LRRC3: variants seen among roughly 807,000 people sequenced by gnomAD.
The protein encoded by LRRC3 is leucine rich repeat containing 3, also known as leucine-rich repeat-containing protein 3.
For synonymous variants in LRRC3, 172 were observed against 164.1 expected (o/e 1.05, Z -0.37); for missense variants, 351 against 361.6 (o/e 0.97, Z 0.24).
In LRRC3 at chr21:44,460,563, C is replaced by A. The variant is rs1450389315; in HGVS notation, c.*3145C>A. 7.1e-6 allele frequency: 1 copy of A among 140,922 alleles called. No homozygotes were observed. Among genetic ancestry groups the A allele is most frequent in the Non-Finnish European group, 1.6e-5 (1 of 63,500 alleles). The allele number at this position is 140,922 out of a possible 1,614,324, so 8.7% of individuals were successfully genotyped here. On this transcript the variant is annotated 3_prime_UTR_variant, in exon 2 of 2. Transcript: ENST00000291592. ...GGACATGGTGGAGGTCTCGGCCTTG[C>A]GAGACAAGGCAGGGGGAGGGGATAG... is the stretch of plus-strand genomic sequence containing the variant.
At position 44,461,021 on chromosome 21, in the gene LRRC3, T is replaced by C. The variant is rs2051742119; in HGVS notation, c.*3603T>C. The C allele has an allele frequency of 6.6e-6, 1 of 152,446 alleles. No individual in the cohort carries two copies. The highest frequency in any genetic ancestry group is 2.4e-5 in the African/African-American group (1 of 41,478). 9.4% of individuals were successfully genotyped at this position (152,446 alleles called of 1,614,324 possible). A position where few individuals can be genotyped will look rare whatever the true frequency, so the allele number is the denominator to read the frequency against. On this transcript the variant is annotated 3_prime_UTR_variant, in exon 2 of 2. Coordinates refer to ENST00000291592, the MANE Select transcript of LRRC3 (RefSeq NM_030891.6). ...CCAGGCCGGGCCCTCTCCCTGCTGG[T>C]TTCCTGTTGGGCTTTGGAGCCCCAG...
Position 44,456,773 on chromosome 21 carries a change from A to G in LRRC3, c.129A>G (p.Ala43=), listed in dbSNP as rs751097176. Residue 43 remains alanine, a synonymous_variant, in exon 2 of 2, where the codon GCA becomes GCG. Coordinates refer to ENST00000291592, the MANE Select transcript of LRRC3 (RefSeq NM_030891.6). ...CPQPCRCPDH[A]GAVAVFCSLR... is the part of the protein sequence containing the mutation. ...AGCCCTGCCGGTGCCCTGACCACGCAGGGGCTGTGGCTGTCTTCTGCAGCT... is the reference window on the plus strand; with the variant it reads ...AGCCCTGCCGGTGCCCTGACCACGCGGGGGCTGTGGCTGTCTTCTGCAGCT... 18 of 1,610,902 alleles carry G rather than the reference A, an allele frequency of 1.1e-5. No homozygotes were observed. The highest frequency in any genetic ancestry group is 3.3e-4 in the Middle Eastern group (2 of 6,084).
rs1175986679 is a variant in LRRC3, at chr21:44,461,383, G to C, written c.*3965G>C. The C allele has an allele frequency of 3.3e-5, 5 of 152,410 alleles. No individual in the cohort carries two copies. In the East Asian group the frequency reaches 9.6e-4, roughly 29 times the overall value. The allele number at this position is 152,410 out of a possible 1,614,324, so 9.4% of individuals were successfully genotyped here. On this transcript the variant is annotated 3_prime_UTR_variant, in exon 2 of 2. Transcript: ENST00000291592. ...GGGGAAGTGGAATCTGGCCCTGAGA[G>C]ACCCCCGGCCTCCTCTGCAGGGGCT... is the stretch of plus-strand genomic sequence containing the variant.
At chr21:44,455,865 G>T (rs1050258419) in intron 1 of LRRC3, among the ~76,000 whole-genome samples, 3 of 152,062 alleles carry the variant, frequency 2.0e-5, no homozygotes, top group Admixed American at 2.0e-4. Flanking sequence ...CGCGCGCACA[G>T]GGCTTGGCTT....
chr21:44,456,902 C>T lies in LRRC3; in HGVS notation c.258C>T (p.His86=), dbSNP rs1037604435. 6.2e-7 allele frequency: 1 copy of T among 1,610,942 alleles called. No homozygotes were observed. The highest frequency in any genetic ancestry group is 1.7e-5 in the Admixed American group (1 of 59,956). Residue 86 remains histidine, a synonymous_variant, in exon 2 of 2, where the codon CAC becomes CAT. Coordinates refer to ENST00000291592, the MANE Select transcript of LRRC3 (RefSeq NM_030891.6). ...ACCTCCCGGACGGGGCCTTCCAGCA[C>T]CTGCACCGGCTCAGGGAGCTGGATC... ...ISHLPDGAFQ[H]LHRLRELDLS...
In LRRC3 at chr21:44,460,685, TCAC is replaced by T. The variant is rs1455890114; in HGVS notation, c.*3271_*3273del. On this transcript the variant is annotated 3_prime_UTR_variant, in exon 2 of 2. Transcript: ENST00000291592. ...GGCTTAGCTTCCTGATGCCGCCCAT[TCAC>T]CACTTTCACCCCGGGAACCTACCTG... 1 of 151,986 alleles carries T rather than the reference TCAC, an allele frequency of 6.6e-6. No homozygotes were observed. The highest frequency in any genetic ancestry group is 1.5e-5 in the Non-Finnish European group (1 of 68,000). The allele number at this position is 151,986 out of a possible 1,614,324, so 9.4% of individuals were successfully genotyped here.
rs772565874 is a variant in LRRC3, at chr21:44,456,743, C to G, written c.99C>G (p.Cys33Trp). 6.2e-7 allele frequency: 1 copy of G among 1,610,000 alleles called. No individual in the cohort carries two copies. The highest frequency in any genetic ancestry group is 8.5e-7 in the Non-Finnish European group (1 of 1,179,880). The change falls in exon 2 of 2, where the codon TGC (cysteine) becomes TGG (tryptophan). Residue 33 changes from cysteine to tryptophan, a missense_variant. By Grantham distance (215) the Cys-to-Trp change is radical. Coordinates refer to ENST00000291592, the MANE Select transcript of LRRC3 (RefSeq NM_030891.6). Reference sequence around the variant, plus strand: ...TCTGCCTGCACCTGGGCGCCGCCTGCCCACAGCCCTGCCGGTGCCCTGACC... The same window carrying G: ...TCTGCCTGCACCTGGGCGCCGCCTGGCCACAGCCCTGCCGGTGCCCTGACC... ...LLFCLHLGAA[C>W]PQPCRCPDHA...
rs1234780065 is a variant in LRRC3, at chr21:44,461,928, G to A, written c.*4510G>A. The A allele has an allele frequency of 6.6e-6, 1 of 152,482 alleles. No individual in the cohort carries two copies. The highest frequency in any genetic ancestry group is 1.5e-5 in the Non-Finnish European group (1 of 68,252). The allele number at this position is 152,482 out of a possible 1,614,324, so 9.4% of individuals were successfully genotyped here. ...CAGGTCCCCTCATGGAGGATGTGGG[G>A]GATTGGCTTAGGCCTGGTCTGGCTG... On this transcript the variant is annotated 3_prime_UTR_variant, in exon 2 of 2. Coordinates refer to ENST00000291592, the MANE Select transcript of LRRC3 (RefSeq NM_030891.6).
chr21:44,456,242 C>T (rs1173200736), intron 1 of LRRC3, among the ~76,000 whole-genome samples: 1 of 152,184 alleles, frequency 6.6e-6, no homozygotes, highest in East Asian at 1.9e-4. Flanking sequence ...GCCGCAGTGA[C>T]CACCCACTGG....
rs763370334 is a variant in LRRC3 at position 44,457,310 on chromosome 21, C to A, written c.666C>A (p.Val222=). ...GGTTCGCCATGGTGATCGCCTACGT[C>A]GTGTACTATGTGCGCCACAACCAGG... The part of the protein sequence containing the change: ...FGWFAMVIAY[V]VYYVRHNQED... The change falls in exon 2 of 2, where the codon GTC becomes GTA. Residue 222 remains valine, a synonymous_variant. Transcript: ENST00000291592. 14 of 1,613,664 alleles carry A rather than the reference C, an allele frequency of 8.7e-6. No homozygotes were observed. In the South Asian group the frequency reaches 1.5e-4, roughly 18 times the overall value.
In LRRC3 at chr21:44,457,064, A is replaced by G. The variant is rs768319952; in HGVS notation, c.420A>G (p.Ile140Met). Reference sequence around the variant, plus strand: ...CCCTGGGCAAACTCAGCGCCAAGATACGCCTGTCCCACAACCCCCTGCACT... The same window carrying G: ...CCCTGGGCAAACTCAGCGCCAAGATGCGCCTGTCCCACAACCCCCTGCACT... The part of the protein sequence containing the change: ...KDALGKLSAK[I>M]RLSHNPLHCE... The change falls in exon 2 of 2, where the codon ATA becomes ATG. Residue 140 changes from isoleucine to methionine, a missense_variant. By Grantham distance (10) the Ile-to-Met change is conservative (BLOSUM62 1). Transcript: ENST00000291592. The G allele has an allele frequency of 6.3e-5, 101 of 1,608,018 alleles. No homozygotes were observed. Among genetic ancestry groups the G allele is most frequent in the Non-Finnish European group, 8.4e-5 (99 of 1,179,634 alleles).
At position 44,456,834 on chromosome 21, in the gene LRRC3, G is replaced by T; in HGVS notation, c.190G>T (p.Ala64Ser). The change falls in exon 2 of 2, where the codon GCC (alanine) becomes TCC (serine). Residue 64 changes from alanine to serine, a missense_variant. Coordinates refer to ENST00000291592, the MANE Select transcript of LRRC3 (RefSeq NM_030891.6). ...TCAGGAGGTCCCCGAGGACATCCCGGCCAACACCGTGCTCCTGAAGCTCGA... is the reference window on the plus strand; with the variant it reads ...TCAGGAGGTCCCCGAGGACATCCCGTCCAACACCGTGCTCCTGAAGCTCGA... ...GLQEVPEDIPANTVLLKLDAN... is the reference protein window; with the variant it reads ...GLQEVPEDIPSNTVLLKLDAN... 6.2e-7 allele frequency: 1 copy of T among 1,611,568 alleles called. No homozygotes were observed. Among genetic ancestry groups the T allele is most frequent in the South Asian group, 1.1e-5 (1 of 91,008 alleles).
rs1034901533 is a variant in LRRC3, at chr21:44,461,047, A to T, written c.*3629A>T. The T allele has an allele frequency of 2.0e-5, 3 of 152,502 alleles. No homozygotes were observed. The highest frequency in any genetic ancestry group is 7.2e-5 in the African/African-American group (3 of 41,454). 9.4% of individuals were successfully genotyped at this position (152,502 alleles called of 1,614,324 possible). On this transcript the variant is annotated 3_prime_UTR_variant, in exon 2 of 2. Coordinates refer to ENST00000291592, the MANE Select transcript of LRRC3 (RefSeq NM_030891.6). The stretch of plus-strand genomic sequence containing the variant: ...TTCCTGTTGGGCTTTGGAGCCCCAG[A>T]TGCCTGCCCAGAGGCTTCCTTGTGC...
Position 44,457,154 on chromosome 21 carries a change from C to A in LRRC3, c.510C>A (p.Ile170=), listed in dbSNP as rs755557165. Residue 170 remains isoleucine, a synonymous_variant, in exon 2 of 2, where the codon ATC becomes ATA. Coordinates refer to ENST00000291592, the MANE Select transcript of LRRC3 (RefSeq NM_030891.6). ...TGGACCCCGACTCTGTGGACGAGAT[C>A]GCCTGCCACACCTCAGTGCAGGAGG... ...LKLDPDSVDE[I]ACHTSVQEEF... is the part of the protein sequence containing the mutation. The A allele has an allele frequency of 6.2e-7, 1 of 1,613,292 alleles. No individual in the cohort carries two copies. Among genetic ancestry groups the A allele is most frequent in the Non-Finnish European group, 8.5e-7 (1 of 1,180,032 alleles).
Position 44,457,172 on chromosome 21 carries a change from G to A in LRRC3, c.528G>A (p.Val176=). The change falls in exon 2 of 2, where the codon GTG becomes GTA. Residue 176 remains valine (V), a synonymous_variant. Transcript: ENST00000291592. ...SVDEIACHTS[V]QEEFVGKPLV... ...ACGAGATCGCCTGCCACACCTCAGTGCAGGAGGAGTTTGTGGGGAAGCCTC... is the reference window on the plus strand; with the variant it reads ...ACGAGATCGCCTGCCACACCTCAGTACAGGAGGAGTTTGTGGGGAAGCCTC... 6.2e-7 allele frequency: 1 copy of A among 1,613,788 alleles called. No individual in the cohort carries two copies. The highest frequency in any genetic ancestry group is 8.5e-7 in the Non-Finnish European group (1 of 1,180,042).
rs977879348 is a variant in LRRC3 at position 44,460,065 on chromosome 21, A to G, written c.*2647A>G. Reference sequence around the variant, plus strand: ...GGGACCCCAAAGCTCCTTCATGCTCACTGGAGCTCCCACCGTGGGTGCTTG... The same window carrying G: ...GGGACCCCAAAGCTCCTTCATGCTCGCTGGAGCTCCCACCGTGGGTGCTTG... On this transcript the variant is annotated 3_prime_UTR_variant, in exon 2 of 2. Transcript: ENST00000291592. The G allele has an allele frequency of 6.6e-6, 1 of 152,182 alleles. No individual in the cohort carries two copies. The highest frequency in any genetic ancestry group is 6.5e-5 in the Admixed American group (1 of 15,272). 9.4% of individuals were successfully genotyped at this position (152,182 alleles called of 1,614,324 possible).
At position 44,455,528 on chromosome 21, in the gene LRRC3, G is replaced by C. The variant is rs1418774748; in HGVS notation, c.-275G>C. The stretch of plus-strand genomic sequence containing the variant: ...GCAGGCCGGAGTCGCGGCCTCCCCA[G>C]CTAGTGGTCGCGGGCGCGGTCGCAG... On this transcript the variant is annotated 5_prime_UTR_variant, in exon 1 of 2. Coordinates refer to ENST00000291592, the MANE Select transcript of LRRC3 (RefSeq NM_030891.6). The C allele has an allele frequency of 1.3e-5, 2 of 151,670 alleles. No individual in the cohort carries two copies. Among genetic ancestry groups the C allele is most frequent in the African/African-American group, 4.8e-5 (2 of 41,448 alleles). 9.4% of individuals were successfully genotyped at this position (151,670 alleles called of 1,614,324 possible).
At position 44,460,523 on chromosome 21, in the gene LRRC3, C is replaced by G. The variant is rs921660404; in HGVS notation, c.*3105C>G. The G allele has an allele frequency of 2.6e-5, 4 of 152,262 alleles. No individual in the cohort carries two copies. Among genetic ancestry groups the G allele is most frequent in the Admixed American group, 6.6e-5 (1 of 15,264 alleles). The allele number at this position is 152,262 out of a possible 1,614,324, so 9.4% of individuals were successfully genotyped here. On this transcript the variant is annotated 3_prime_UTR_variant, in exon 2 of 2. Transcript: ENST00000291592. ...GGTGAGGCGGGGACAAAGGGAATGT[C>G]TCAGTTCACAGTGTGGACATGGTGG...
In LRRC3 at chr21:44,457,680, G is replaced by A; in HGVS notation, c.*262G>A. 2.0e-6 allele frequency: 1 copy of A among 511,412 alleles called. No homozygotes were observed. The highest frequency in any genetic ancestry group is 2.7e-5 in the South Asian group (1 of 36,486). 31.7% of individuals were successfully genotyped at this position (511,412 alleles called of 1,614,324 possible). On this transcript the variant is annotated 3_prime_UTR_variant, in exon 2 of 2. Coordinates refer to ENST00000291592, the MANE Select transcript of LRRC3 (RefSeq NM_030891.6). ...TTATCCCAGTGGAACTTCAACCCGGGCTGTCCATCGTGACATTCCGCCTCC... is the reference window on the plus strand; with the variant it reads ...TTATCCCAGTGGAACTTCAACCCGGACTGTCCATCGTGACATTCCGCCTCC...
Sources: allele counts gnomAD v4.1 joint callset (sites outside exome capture counted in the v4.1 genomes callset), GRCh38; gene constraint gnomAD v4.1.1; transcripts MANE v1.5; gene names NCBI Gene and HGNC (gene_info 2026-07-23, HGNC 2026-07-21).